LATS1: variants seen among roughly 807,000 people sequenced by gnomAD.
The protein encoded by LATS1 is large tumor suppressor kinase 1, also known as serine/threonine-protein kinase LATS1.
In LATS1, 25 loss-of-function variants were observed where a neutral mutation model predicts 106.6. The ratio of observed to expected loss-of-function variants is 0.23; its 90% confidence interval spans 0.17 to 0.33. The LOEUF is 0.33. Ranked by LOEUF, LATS1 falls within the 10% of genes least tolerant of loss-of-function variation. The pLI is 1.00. For synonymous variants in LATS1, 465 were observed against 455.6 expected (o/e 1.02, Z -0.26); for missense variants, 1,040 against 1,382.6 (o/e 0.75, Z 3.93).
intron 3 of LATS1, 126 bp downstream of exon 3, chr6:149,694,948 T>C (rs1367988708): frequency 1.4e-5 from 11 of 770,230 alleles, no homozygotes; most frequent in Middle Eastern, 2.5e-4. Context: ...AATGTTATCT[T>C]AATTTGAGAC....
chr6:149,674,633 CA>C (rs1781614341), intron 7 of LATS1, among the ~76,000 whole-genome samples: 2 of 148,370 alleles, frequency 1.3e-5, no homozygotes, highest in Admixed American at 1.3e-4. Context: ...CACGACCTTG[CA>C]AAGTGTTGGG....
chr6:149,702,312 G>T, intron 1 of LATS1, 46 bp from the exon 2 acceptor site: 1 of 515,252 alleles, frequency 1.9e-6, no homozygotes, highest in Non-Finnish European at 3.4e-6. Flanking sequence ...GGTTAATACA[G>T]CAGTACCATG....
intron 5 of LATS1, 89 bp from the exon 6 acceptor site, chr6:149,676,826 T>C (rs1272111471): frequency 8.7e-7 from 1 of 1,154,258 alleles, no homozygotes; most frequent in African/African-American, 1.5e-5. Flanking sequence ...TGGTTTAGGG[T>C]TAACAACATT....
At chr6:149,712,631 G>C (rs1246916294) in intron 1 of LATS1, among the ~76,000 whole-genome samples, 1 of 152,198 alleles carries the variant, frequency 6.6e-6, no homozygotes, top group African/African-American at 2.4e-5. Context: ...GATTACAGGT[G>C]TGAGCCACCA....
intron 4 of LATS1, among the ~76,000 whole-genome samples, chr6:149,681,307 C>A (rs1235320085): frequency 1.3e-5 from 2 of 152,058 alleles, no homozygotes; most frequent in Non-Finnish European, 2.9e-5. Context: ...GAAAAGAAAT[C>A]CAGTTGGAAA....
chr6:149,690,345 C>G (rs1466452724), intron 3 of LATS1, among the ~76,000 whole-genome samples: 1 of 150,764 alleles, frequency 6.6e-6, no homozygotes, highest in African/African-American at 2.4e-5. Context: ...TCCCCAGTAG[C>G]TGGGATTACA....
rs1272187642 is a variant in LATS1 at position 149,661,513 on chromosome 6, T to G, written c.*216A>C. 4.6e-6 allele frequency: 2 copies of G among 434,756 alleles called. No individual in the cohort carries two copies. The highest frequency in any genetic ancestry group is 4.1e-5 in the African/African-American group (2 of 49,308). 26.9% of individuals were successfully genotyped at this position (434,756 alleles called of 1,614,324 possible). A position where few individuals can be genotyped will look rare whatever the true frequency, so the allele number is the denominator to read the frequency against. On this transcript the variant is annotated 3_prime_UTR_variant, in exon 8 of 8. Transcript: ENST00000543571. The stretch of plus-strand genomic sequence containing the variant: ...CTATAATATTCAGTTCATAATTTAC[T>G]TTCCTTATAACAATTTTTTTCTAAA...
In LATS1 at chr6:149,667,438, C is replaced by CAAAAAA. The variant is rs1189854950; in HGVS notation, c.2884-5206_2884-5201dup. 4.1e-4 allele frequency among the ~76,000 whole-genome samples: 14 copies of CAAAAAA among 33,974 alleles called. 1 individual carries two copies. Among genetic ancestry groups the CAAAAAA allele is most frequent in the African/African-American group, 1.7e-3 (13 of 7,802 alleles). 22.3% of individuals were successfully genotyped at this position (33,974 alleles called of 152,430 possible). On this transcript the variant is annotated intron_variant, in intron 7 of 7. Transcript: ENST00000543571. ...TGGGCAACAAAACAAGACTGTATCT[C>CAAAAAA]AAAAAAAAAAAAAAAAAAAAAAAAA...
At chr6:149,677,677 G>T (rs112968991) in intron 5 of LATS1, among the ~76,000 whole-genome samples, 34 of 152,088 alleles carry the variant, frequency 2.2e-4, no homozygotes, top group Middle Eastern at 3.2e-3. Context: ...GAGAGATTTG[G>T]AATTCATTGA....
intron 1 of LATS1, chr6:149,716,321 CT>C (rs1784393179): frequency 6.6e-6 from 1 of 152,182 alleles, no homozygotes; most frequent in African/African-American, 2.4e-5. Context: ...GAGTTCCCAT[CT>C]TTAAAGGAAA....
At chr6:149,698,586 T>C (rs1251936430) in intron 2 of LATS1, among the ~76,000 whole-genome samples, 1 of 151,326 alleles carries the variant, frequency 6.6e-6, no homozygotes, top group Admixed American at 6.6e-5. Flanking sequence ...AGTCTCACTC[T>C]GTCGCCCAGG....
chr6:149,700,768 A>G (rs1240681839), intron 2 of LATS1, among the ~76,000 whole-genome samples: 2 of 152,216 alleles, frequency 1.3e-5, no homozygotes, highest in African/African-American at 4.8e-5. Flanking sequence ...AAACATTACT[A>G]TAATTTTGAA....
At chr6:149,690,092 A>T (rs2114869991) in intron 3 of LATS1, among the ~76,000 whole-genome samples, 1 of 152,304 alleles carries the variant, frequency 6.6e-6, no homozygotes. Flanking sequence ...GAGATTAAGT[A>T]TGGAAATGGA....
chr6:149,704,885 TATACACACACACAC>T (rs1206419355), intron 1 of LATS1, among the ~76,000 whole-genome samples: 349 of 64,084 alleles, frequency 5.4e-3, no homozygotes, highest in African/African-American at 0.021. Flanking sequence ...AGAAATTAAT[TATACACACACACAC>T]ACACACACAC....
At chr6:149,699,141 G>A (rs1783291776) in intron 2 of LATS1, among the ~76,000 whole-genome samples, 1 of 150,854 alleles carries the variant, frequency 6.6e-6, no homozygotes, top group Non-Finnish European at 1.5e-5. Flanking sequence ...AAAAAAGAAT[G>A]AAGTGAAAAC....
intron 3 of LATS1, among the ~76,000 whole-genome samples, chr6:149,685,898 C>T (rs941485495): frequency 6.6e-6 from 1 of 151,110 alleles, no homozygotes; most frequent in Non-Finnish European, 1.5e-5. Flanking sequence ...GGTATAAAGA[C>T]AATACATATA....
Position 149,683,861 on chromosome 6 carries a change from T to C in LATS1, c.1228A>G (p.Met410Val), listed in dbSNP as rs1782201493. ...YTNGSIPQSM[M>V]VPNRNSHNME... ...TTATGACTATTTCTGTTTGGCACCATCATAGACTGAGGAATACTTCCATTT... is the reference window on the plus strand; with the variant it reads ...TTATGACTATTTCTGTTTGGCACCACCATAGACTGAGGAATACTTCCATTT... The change falls in exon 4 of 8, where the codon ATG becomes GTG. Residue 410 changes from methionine (M) to valine (V), a missense_variant. Met to Val is a conservative substitution (Grantham distance 21, BLOSUM62 1). Transcript: ENST00000543571. 2 of 1,614,028 alleles carry C rather than the reference T, an allele frequency of 1.2e-6. No individual in the cohort carries two copies. Among genetic ancestry groups the C allele is most frequent in the Admixed American group, 1.7e-5 (1 of 59,994 alleles).
intron 3 of LATS1, among the ~76,000 whole-genome samples, chr6:149,688,476 T>C (rs1356301299): frequency 6.6e-6 from 1 of 151,788 alleles, no homozygotes; most frequent in African/African-American, 2.4e-5. Context: ...GCCTGGCTAA[T>C]TTTTTGTATT....
chr6:149,667,741 T>C (rs1413080909), intron 7 of LATS1, among the ~76,000 whole-genome samples: 1 of 152,134 alleles, frequency 6.6e-6, no homozygotes, highest in Non-Finnish European at 1.5e-5. Flanking sequence ...GAGAAATCCA[T>C]GCCCAGACCT....
Sources: gnomAD v4.1 joint callset for allele counts (sites outside exome capture counted in the v4.1 genomes callset) on GRCh38, gnomAD v4.1.1 for gene constraint, MANE v1.5 for transcripts, NCBI Gene and HGNC (gene_info 2026-07-23, HGNC 2026-07-21) for gene names.